The following NLGN1 variants were observed in gnomAD, a reference collection of about 807,000 sequenced individuals.
The protein encoded by NLGN1 is neuroligin 1.
Under a neutral mutation model 65.5 loss-of-function variants are expected in NLGN1, and 12 were observed. The observed-to-expected ratio is 0.18, with a 90% CI of 0.12 to 0.30. The LOEUF is 0.30. Among genes scored for constraint, NLGN1 ranks in the 10% least tolerant of loss-of-function variants. NLGN1 has a pLI of 1.00. For synonymous variants in NLGN1, 350 were observed against 359.5 expected, an observed-to-expected ratio of 0.97 and a Z score of 0.30; for missense variants, 750 against 1,007.1, an observed-to-expected ratio of 0.74 and a Z score of 3.46.
chr3:174,169,355 C>G (rs569184990), intron 4 of NLGN1, among the ~76,000 whole-genome samples: 2 of 152,010 alleles, frequency 1.3e-5, no homozygotes, highest in Non-Finnish European at 2.9e-5. Context: ...GTGTCGCAAC[C>G]CAGGCTGGTC....
At chr3:173,780,886 A>G (rs978750349) in intron 3 of NLGN1, among the ~76,000 whole-genome samples, 7 of 152,158 alleles carry the variant, frequency 4.6e-5, no homozygotes, top group African/African-American at 1.7e-4. Context: ...TCATGCCTGT[A>G]ATCCCAGCAC....
chr3:173,960,257 T>C (rs1713214963), intron 4 of NLGN1, among the ~76,000 whole-genome samples: 1 of 152,076 alleles, frequency 6.6e-6, no homozygotes, highest in Admixed American at 6.5e-5. Flanking sequence ...TTTTCTTGAA[T>C]TGATTGGTTA....
intron 2 of NLGN1, among the ~76,000 whole-genome samples, chr3:173,478,991 G>T (rs775713492): frequency 2.6e-5 from 4 of 152,018 alleles, no homozygotes; most frequent in Non-Finnish European, 5.9e-5. Flanking sequence ...TAATAATCAG[G>T]GTTGATATCA....
intron 3 of NLGN1, among the ~76,000 whole-genome samples, chr3:173,632,855 T>A (rs1042710478): frequency 7.1e-6 from 1 of 139,992 alleles, no homozygotes; most frequent in African/African-American, 2.6e-5. Flanking sequence ...TTTTGTTTTT[T>A]TTTTTTTTTT....
intron 4 of NLGN1, among the ~76,000 whole-genome samples, chr3:174,200,796 A>G (rs556824447): frequency 1.3e-5 from 2 of 152,194 alleles, no homozygotes; most frequent in Non-Finnish European, 2.9e-5. Flanking sequence ...TAAACAGACC[A>G]GTTATTCCTC....
At chr3:173,613,604 C>T (rs1752632134) in intron 3 of NLGN1, among the ~76,000 whole-genome samples, 1 of 152,056 alleles carries the variant, frequency 6.6e-6, no homozygotes, top group African/African-American at 2.4e-5. Flanking sequence ...AAGATCCTAC[C>T]AATTTAAAAC....
chr3:173,399,655 A>C (rs973804389), intron 1 of NLGN1: 1 of 152,198 alleles, frequency 6.6e-6, no homozygotes, highest in Non-Finnish European at 1.5e-5. Context: ...AGTCTCTTCC[A>C]ACTCTGAAAT....
At chr3:173,993,198 T>C (rs1268867550) in intron 4 of NLGN1, among the ~76,000 whole-genome samples, 1 of 152,236 alleles carries the variant, frequency 6.6e-6, no homozygotes, top group Non-Finnish European at 1.5e-5. Flanking sequence ...TTCAGTGATA[T>C]AACAGCTTCA....
At chr3:174,108,790 A>T (rs376282259) in intron 4 of NLGN1, among the ~76,000 whole-genome samples, 12 of 152,154 alleles carry the variant, frequency 7.9e-5, no homozygotes, top group Non-Finnish European at 1.3e-4. Context: ...AGCCTGGCTA[A>T]ACTTTGGTCA....
chr3:174,139,761 C>T (rs1488174434), intron 4 of NLGN1, among the ~76,000 whole-genome samples: 1 of 152,108 alleles, frequency 6.6e-6, no homozygotes, highest in Non-Finnish European at 1.5e-5. Context: ...GTTTCACATC[C>T]TCAACAGCAT....
chr3:173,606,076 A>G (rs532238646), intron 3 of NLGN1, among the ~76,000 whole-genome samples: 1 of 152,202 alleles, frequency 6.6e-6, no homozygotes, highest in East Asian at 1.9e-4. Flanking sequence ...TAAATTTTCC[A>G]TAATTATTGA....
rs778238799 is a variant in NLGN1 at position 173,539,634 on chromosome 3, A to ATATATAG, written c.-320-64645_-320-64644insTATATAG. 4.3e-4 allele frequency among the ~76,000 whole-genome samples: 56 copies of ATATATAG among 131,574 alleles called. 1 individual carries two copies. The highest frequency in any genetic ancestry group is 9.1e-4 in the South Asian group (4 of 4,386). The allele number at this position is 131,574 out of a possible 152,430, so 86.3% of individuals were successfully genotyped here. A position where few individuals can be genotyped will look rare whatever the true frequency, so the allele number is the denominator to read the frequency against. On this transcript the variant is annotated intron_variant, in intron 2 of 6. Transcript: ENST00000457714. Reference sequence around the variant, plus strand: ...TTATATATTATATATTTATATATACACATATATACATATATAACATATGTG... The same window carrying ATATATAG: ...TTATATATTATATATTTATATATACATATATAGCATATATACATATATAACATATGTG...
At chr3:174,151,911 GA>G (rs533845581) in intron 4 of NLGN1, among the ~76,000 whole-genome samples, 1 of 151,928 alleles carries the variant, frequency 6.6e-6, no homozygotes, top group Non-Finnish European at 1.5e-5. Flanking sequence ...AGTTTGCTGA[GA>G]AAAAAATATA....
intron 2 of NLGN1, among the ~76,000 whole-genome samples, chr3:173,446,908 GTTGT>G (rs1343831116): frequency 2.0e-5 from 3 of 152,212 alleles, no homozygotes; most frequent in African/African-American, 7.2e-5. Context: ...TTTTGATGGG[GTTGT>G]TTGTTTTTTT....
chr3:173,807,870 A>G, intron 4 of NLGN1, 38 bp downstream of exon 4: 3 of 1,584,586 alleles, frequency 1.9e-6, no homozygotes, highest in Middle Eastern at 1.7e-4. Context: ...CCATGAATCC[A>G]TGAAGTATGT....
At chr3:173,733,134 T>C (rs1281243608) in intron 3 of NLGN1, among the ~76,000 whole-genome samples, 1 of 152,146 alleles carries the variant, frequency 6.6e-6, no homozygotes, top group Admixed American at 6.6e-5. Flanking sequence ...TAAAAATCAG[T>C]AGTCTTCTTG....
chr3:174,154,959 TATA>T (rs1725084075), intron 4 of NLGN1, among the ~76,000 whole-genome samples: 4 of 140,164 alleles, frequency 2.9e-5, no homozygotes, highest in Admixed American at 7.5e-5. Context: ...TATAATATAA[TATA>T]TAATTATATA....
At chr3:173,803,112 G>T (rs1374604451) in intron 3 of NLGN1, among the ~76,000 whole-genome samples, 6 of 152,000 alleles carry the variant, frequency 3.9e-5, no homozygotes, top group Non-Finnish European at 5.9e-5. Flanking sequence ...CAGTGCTGGG[G>T]TTACAGGCGT....
intron 4 of NLGN1, among the ~76,000 whole-genome samples, chr3:174,197,892 G>A (rs6784006): frequency 0.21 from 31,148 of 151,514 alleles, 3,594 homozygotes; most frequent in African/African-American, 0.3. Context: ...AACTAAATGT[G>A]AAAAGTCACT....
Sources: allele counts gnomAD v4.1 joint callset (sites outside exome capture counted in the v4.1 genomes callset), GRCh38; gene constraint gnomAD v4.1.1; transcripts MANE v1.5; gene names NCBI Gene and HGNC (gene_info 2026-07-23, HGNC 2026-07-21).